The following TTC3 variants were observed in gnomAD, a reference collection of about 807,000 sequenced individuals.
The protein encoded by TTC3 is E3 ubiquitin-protein ligase TTC3.
A neutral mutation model predicts 249.6 loss-of-function variants in TTC3; 180 were observed. The observed-to-expected ratio is 0.72, with a 90% CI of 0.64 to 0.82. TTC3 has a LOEUF of 0.82. TTC3 is among the 40% of genes least tolerant of loss of function. TTC3 has a pLI of 0.00. For synonymous variants in TTC3, 717 were observed against 805.0 expected, an observed-to-expected ratio of 0.89 and a Z score of 1.85; for missense variants, 2,061 against 2,398.4, an observed-to-expected ratio of 0.86 and a Z score of 2.94.
chr21:37,167,751 A>C, intron 34 of TTC3, 131 bp downstream of exon 34: 1 of 514,546 alleles, frequency 1.9e-6, no homozygotes, highest in Non-Finnish European at 3.1e-6. Flanking sequence ...GCTTGAGAAC[A>C]TAACAAAAAA....
exon 18 of TTC3, chr21:37,135,509 A>C (rs765922585): frequency 3.1e-6 from 5 of 1,611,780 alleles, no homozygotes; most frequent in African/African-American, 2.7e-5. Flanking sequence ...TCCTCAAAAA[A>C]TAAAGGTAAA....
intron 6 of TTC3, chr21:37,090,644 A>G (rs986298655): frequency 1.2e-5 from 7 of 594,276 alleles, no homozygotes; most frequent in African/African-American, 2.0e-5. Flanking sequence ...TCAATGTTAA[A>G]CCAATTTTTA....
intron 10 of TTC3, among the ~76,000 whole-genome samples, chr21:37,106,974 G>T (rs746285011): frequency 6.6e-6 from 1 of 151,904 alleles, no homozygotes; most frequent in Non-Finnish European, 1.5e-5. Context: ...TCCATGTACC[G>T]CAGTATCACC....
Position 37,147,601 on chromosome 21 carries a change from AAGGT to A in TTC3, c.2016_2016+3del. 6.3e-7 allele frequency: 1 copy of A among 1,599,618 alleles called. No individual in the cohort carries two copies. Among genetic ancestry groups the A allele is most frequent in the Non-Finnish European group, 8.5e-7 (1 of 1,175,712 alleles). ...GATATACATAACTGATCCAGACTTT[AAGGT>A]AAATAATGAGTGTACAGTGGGACAT... On this transcript the variant is annotated splice_donor_variant and coding_sequence_variant, in exon 22 of 46. Transcript: ENST00000355666. LOFTEE classifies it high-confidence loss of function.
chr21:37,142,678 AT>A (rs1331211012), intron 20 of TTC3, among the ~76,000 whole-genome samples: 1 of 152,226 alleles, frequency 6.6e-6, no homozygotes, highest in African/African-American at 2.4e-5. Flanking sequence ...TGCCAAGGTA[AT>A]TTATAGATTC....
chr21:37,122,891 A>G, intron 12 of TTC3, 92 bp from the exon 13 acceptor site: 1 of 1,346,890 alleles, frequency 7.4e-7, no homozygotes, highest in Non-Finnish European at 1.0e-6. Flanking sequence ...TGAGGTCCTT[A>G]CTATCAGCTT....
intron 35 of TTC3, among the ~76,000 whole-genome samples, chr21:37,180,681 A>G (rs1447731214): frequency 6.7e-6 from 1 of 150,286 alleles, no homozygotes; most frequent in Non-Finnish European, 1.5e-5. Context: ...TAGTGGGTGC[A>G]GTGCACCAGC....
intron 1 of TTC3, chr21:37,082,719 T>C: frequency 1.0e-6 from 1 of 985,416 alleles, no homozygotes; most frequent in Non-Finnish European, 1.2e-6. Flanking sequence ...AAAGTGTTTT[T>C]TTTTTTAATC....
rs531096805 is a variant in TTC3, at chr21:37,113,612, A to G, written c.900+5166A>G. Among the ~76,000 whole-genome samples, 222 of 152,306 alleles carry G rather than the reference A, an allele frequency of 1.5e-3. 2 individuals are homozygous for G. Among genetic ancestry groups the G allele is most frequent in the African/African-American group, 4.9e-3 (203 of 41,562 alleles). ...TATTGTGAAAATGGCCATATTGCCCAAGGTAATTTATAGATTCAGTGCCAT... is the reference window on the plus strand; with the variant it reads ...TATTGTGAAAATGGCCATATTGCCCGAGGTAATTTATAGATTCAGTGCCAT... On this transcript the variant is annotated intron_variant, in intron 11 of 45. Coordinates refer to ENST00000355666, the Ensembl canonical transcript of TTC3.
At chr21:37,113,059 G>GC (rs1186293577) in intron 11 of TTC3, among the ~76,000 whole-genome samples, 1 of 152,086 alleles carries the variant, frequency 6.6e-6, no homozygotes, top group Non-Finnish European at 1.5e-5. Context: ...ATAAGAGCTA[G>GC]CTATGACAAA....
exon 40 of TTC3, chr21:37,191,359 G>A: frequency 6.3e-7 from 1 of 1,587,948 alleles, no homozygotes; most frequent in Non-Finnish European, 8.5e-7. Context: ...TCCTGACATG[G>A]AGTCTGATAT....
intron 8 of TTC3, 121 bp downstream of exon 8, chr21:37,094,211 G>T: frequency 2.1e-6 from 1 of 469,726 alleles, no homozygotes; most frequent in South Asian, 5.6e-5. Flanking sequence ...CATATTTGAG[G>T]GAAAGAACTA....
At chr21:37,159,346 A>AGCACGCTG (rs1448708450) in intron 28 of TTC3, among the ~76,000 whole-genome samples, 1 of 152,170 alleles carries the variant, frequency 6.6e-6, no homozygotes, top group Non-Finnish European at 1.5e-5. Context: ...CGTGGTCCTT[A>AGCACGCTG]GCACGCTGGG....
At position 37,157,211 on chromosome 21, in the gene TTC3, A is replaced by T. The variant is rs746011246; in HGVS notation, c.2992+305A>T. On this transcript the variant is annotated intron_variant, in intron 28 of 45. Transcript: ENST00000355666. ...ATTGCATGTTACACTGACAGAATCTATTAGTAAGTGGTTTGATTTATAGCA... is the reference window on the plus strand; with the variant it reads ...ATTGCATGTTACACTGACAGAATCTTTTAGTAAGTGGTTTGATTTATAGCA... 5.6e-5 allele frequency: 74 copies of T among 1,330,830 alleles called. 1 individual carries two copies. The South Asian group carries it at 6.2e-4, about 11-fold the overall frequency. The allele number at this position is 1,330,830 out of a possible 1,614,324, so 82.4% of individuals were successfully genotyped here. A position where few individuals can be genotyped will look rare whatever the true frequency, so the allele number is the denominator to read the frequency against.
intron 34 of TTC3, among the ~76,000 whole-genome samples, chr21:37,169,958 T>C (rs1386077647): frequency 6.6e-6 from 1 of 152,162 alleles, no homozygotes; most frequent in Non-Finnish European, 1.5e-5. Flanking sequence ...AAATCAATCT[T>C]GGTCCCTACC....
chr21:37,200,236 T>C lies in TTC3; in HGVS notation c.5855T>C (p.Leu1952Pro), dbSNP rs1351917211. Residue 1952 changes from leucine to proline, a missense_variant, in exon 45 of 46, where the codon CTG becomes CCG. Leu to Pro is a moderately conservative substitution (Grantham distance 98, BLOSUM62 -3). Transcript: ENST00000355666. ...CAGGTGTGTTTGTTTCCACAGGCAC[T>C]GGGTGCAAGTTCCTGTGAAATATGC... 6.2e-7 allele frequency: 1 copy of C among 1,614,028 alleles called. No individual in the cohort carries two copies. The highest frequency in any genetic ancestry group is 1.3e-5 in the African/African-American group (1 of 74,928).
chr21:37,145,145 G>A (rs1230486994), intron 21 of TTC3, among the ~76,000 whole-genome samples: 3 of 152,206 alleles, frequency 2.0e-5, no homozygotes, highest in Non-Finnish European at 4.4e-5. Flanking sequence ...ATATCCAGAA[G>A]CATAAAGATG....
intron 11 of TTC3, among the ~76,000 whole-genome samples, chr21:37,115,030 T>C (rs577543349): frequency 6.6e-6 from 1 of 151,928 alleles, no homozygotes; most frequent in South Asian, 2.1e-4. Context: ...CGGGGCCTGT[T>C]GTGAGGTGGG....
At chr21:37,125,246 C>G (rs551046588) in intron 14 of TTC3, among the ~76,000 whole-genome samples, 1 of 152,360 alleles carries the variant, frequency 6.6e-6, no homozygotes, top group South Asian at 2.1e-4. Flanking sequence ...TGAAATCACA[C>G]AGGTTTACTT....
Sources: gnomAD v4.1 joint callset for allele counts (sites outside exome capture counted in the v4.1 genomes callset) on GRCh38, gnomAD v4.1.1 for gene constraint, MANE v1.5 for transcripts, NCBI Gene and HGNC (gene_info 2026-07-23, HGNC 2026-07-21) for gene names.